Variants in PGBD5 observed in about 807,000 individuals in gnomAD.
PGBD5 encodes piggyBac transposable element derived 5, also known as piggyBac transposable element-derived protein 5.
A neutral mutation model predicts 47.9 loss-of-function variants in PGBD5; 14 were observed. The observed-to-expected ratio is 0.29, with a 90% CI of 0.19 to 0.46. PGBD5 has a LOEUF of 0.46. PGBD5 is among the 20% of genes least tolerant of loss of function. The pLI, the probability that PGBD5 is intolerant of heterozygous loss-of-function variation, is 1.00. For synonymous variants in PGBD5, 316 were observed against 306.3 expected (o/e 1.03, Z -0.33); for missense variants, 635 against 716.0 (o/e 0.89, Z 1.29).
chr1:230,402,881 T>A (rs181770895), intron 1 of PGBD5, among the ~76,000 whole-genome samples: 1 of 152,346 alleles, frequency 6.6e-6, no homozygotes, highest in Non-Finnish European at 1.5e-5. Context: ...GAGCAACTGC[T>A]TATATGACCA....
chr1:230,357,374 C>T lies in PGBD5; in HGVS notation c.332-53G>A, dbSNP rs1039519726. On this transcript the variant is annotated intron_variant, in intron 1 of 6. Transcript: ENST00000391860. The surrounding 1 kb of genome is among the most constrained non-coding windows in gnomAD (Gnocchi z 5.7). ...CCTTAGGACGGCCGCCACACCCTGACTCGACACGAGAACGGCTGCATTTCC... is the reference window on the plus strand; with the variant it reads ...CCTTAGGACGGCCGCCACACCCTGATTCGACACGAGAACGGCTGCATTTCC... 7.7e-6 allele frequency: 12 copies of T among 1,567,828 alleles called. No homozygotes were observed. The highest frequency in any genetic ancestry group is 1.7e-4 in the Middle Eastern group (1 of 5,882).
intron 5 of PGBD5, among the ~76,000 whole-genome samples, chr1:230,327,101 C>T (rs959987423): frequency 2.0e-5 from 3 of 152,114 alleles, no homozygotes; most frequent in Non-Finnish European, 4.4e-5. Context: ...GAGACGGACG[C>T]CTTCTTCCTA....
Position 230,359,687 on chromosome 1 carries a change from G to A in PGBD5, c.332-2366C>T, listed in dbSNP as rs553410330. ...TGCAGCGTGAAATAAATGAGATCAT[G>A]TGAATAATGCACCTCACCTGGTGCC... On this transcript the variant is annotated intron_variant, in intron 1 of 6. Coordinates refer to ENST00000391860, the MANE Select transcript of PGBD5 (RefSeq NM_001258311.2). Among the ~76,000 whole-genome samples the A allele has an allele frequency of 3.4e-4, 52 of 152,352 alleles. 1 individual carries two copies. In the South Asian group the frequency reaches 4.6e-3, roughly 13 times the overall value.
rs926139577 is a variant in PGBD5 at position 230,337,417 on chromosome 1, T to C, written c.895-129A>G. The C allele has an allele frequency of 3.3e-5, 31 of 944,144 alleles. No homozygotes were observed. The African/African-American group carries it at 4.7e-4, about 14-fold the overall frequency. The allele number at this position is 944,144 out of a possible 1,614,324, so 58.5% of individuals were successfully genotyped here. On this transcript the variant is annotated intron_variant, in intron 3 of 6. Transcript: ENST00000391860. ...GGAGCCCATGGAAAAGCCCCCATCA[T>C]CTTTTCAGCTCACAGGGACTCTAGG...
intron 1 of PGBD5, among the ~76,000 whole-genome samples, chr1:230,420,381 T>C (rs1402239244): frequency 6.6e-6 from 1 of 152,246 alleles, no homozygotes; most frequent in Non-Finnish European, 1.5e-5. Flanking sequence ...ATTCTGTATG[T>C]CAACTGTGGT....
chr1:230,362,617 C>T (rs573333579), intron 1 of PGBD5, among the ~76,000 whole-genome samples: 2 of 152,292 alleles, frequency 1.3e-5, no homozygotes, highest in African/African-American at 4.8e-5. Flanking sequence ...CCATCGGCCA[C>T]TCATGCTCGT....
chr1:230,386,843 G>A (rs750668155), intron 1 of PGBD5, among the ~76,000 whole-genome samples: 45 of 152,198 alleles, frequency 3.0e-4, no homozygotes, highest in Admixed American at 6.5e-5. Context: ...CCAGCACTGG[G>A]CTACGTTTCA....
intron 5 of PGBD5, among the ~76,000 whole-genome samples, chr1:230,328,062 G>A (rs1209699009): frequency 2.6e-5 from 4 of 152,196 alleles, no homozygotes; most frequent in Middle Eastern, 3.4e-3. Context: ...AGGATGCCCC[G>A]CTCTGAGTCA....
At chr1:230,327,748 A>T (rs758054829) in intron 5 of PGBD5, among the ~76,000 whole-genome samples, 15 of 152,222 alleles carry the variant, frequency 9.9e-5, no homozygotes, top group Non-Finnish European at 2.1e-4. Context: ...GCGGGCCTGC[A>T]GTGCCCAAGG....
At chr1:230,340,685 G>C (rs1447795417) in intron 3 of PGBD5, among the ~76,000 whole-genome samples, 1 of 152,032 alleles carries the variant, frequency 6.6e-6, no homozygotes, top group Non-Finnish European at 1.5e-5. Flanking sequence ...CTTTGGGTCT[G>C]AGTGAACGGT....
At chr1:230,355,483 G>C (rs1258375484) in intron 2 of PGBD5, among the ~76,000 whole-genome samples, 2 of 152,194 alleles carry the variant, frequency 1.3e-5, no homozygotes, top group African/African-American at 4.8e-5. Flanking sequence ...TTGCATCCAG[G>C]CAATCGTCTC....
intron 1 of PGBD5, among the ~76,000 whole-genome samples, chr1:230,404,568 C>T (rs1396048601): frequency 6.8e-6 from 1 of 146,240 alleles, no homozygotes; most frequent in East Asian, 2.0e-4. Flanking sequence ...TGCAACTGTG[C>T]TGCTGTACTC....
chr1:230,323,193 A>G lies in PGBD5; in HGVS notation c.*232T>C, dbSNP rs1667062974. 2.2e-5 allele frequency: 12 copies of G among 548,862 alleles called. 1 individual carries two copies. In the South Asian group the frequency reaches 2.9e-4, roughly 13 times the overall value. 34.0% of individuals were successfully genotyped at this position (548,862 alleles called of 1,614,324 possible). ...CTTGAGAACGTGGGTGTAAGTGCTC[A>G]TCACACCGGCGGCACTGTTTCTCGA... On this transcript the variant is annotated 3_prime_UTR_variant, in exon 7 of 7. Coordinates refer to ENST00000391860, the MANE Select transcript of PGBD5 (RefSeq NM_001258311.2). The surrounding 1 kb of genome is among the most constrained non-coding windows in gnomAD (Gnocchi z 4.1).
intron 1 of PGBD5, among the ~76,000 whole-genome samples, chr1:230,370,782 C>G (rs2820372): frequency 0.71 from 108,190 of 151,578 alleles, 39,012 homozygotes; most frequent in Non-Finnish European, 0.74. Context: ...CCTCAACGCA[C>G]ATGGCTAAGA....
intron 1 of PGBD5, among the ~76,000 whole-genome samples, chr1:230,378,893 AAGC>A (rs1434935986): frequency 6.6e-6 from 1 of 152,162 alleles, no homozygotes; most frequent in Non-Finnish European, 1.5e-5. Flanking sequence ...AACCCAAAGA[AAGC>A]AGCCATTGCC....
intron 1 of PGBD5, among the ~76,000 whole-genome samples, chr1:230,389,978 G>A (rs1234446375): frequency 1.3e-5 from 2 of 152,212 alleles, no homozygotes; most frequent in African/African-American, 4.8e-5. Context: ...CGGAGGCCAA[G>A]AAGATAAGTG....
At chr1:230,343,588 C>A (rs892515632) in intron 3 of PGBD5, among the ~76,000 whole-genome samples, 6 of 152,194 alleles carry the variant, frequency 3.9e-5, no homozygotes, top group African/African-American at 1.2e-4. Context: ...CGTGTCCAAC[C>A]TGGACAGGAT....
intron 2 of PGBD5, among the ~76,000 whole-genome samples, chr1:230,353,049 A>G (rs1667582814): frequency 6.6e-6 from 1 of 152,248 alleles, no homozygotes; most frequent in African/African-American, 2.4e-5. Flanking sequence ...CAAAAGGGCC[A>G]GCAAGAATTT....
At position 230,319,875 on chromosome 1, in the gene PGBD5, G is replaced by C. The variant is rs1403817332; in HGVS notation, c.*3550C>G. 2 of 142,532 alleles carry C rather than the reference G, an allele frequency of 1.4e-5. No homozygotes were observed. The highest frequency in any genetic ancestry group is 1.4e-4 in the Admixed American group (2 of 14,234). The allele number at this position is 142,532 out of a possible 1,614,324, so 8.8% of individuals were successfully genotyped here. A position where few individuals can be genotyped will look rare whatever the true frequency, so the allele number is the denominator to read the frequency against. ...TTTTTTTTTTTTTTTTTTTTGTGGC[G>C]GGGTGGGGGTTGGAGTCTCGCTCTG... On this transcript the variant is annotated 3_prime_UTR_variant, in exon 7 of 7. Transcript: ENST00000391860.
Sources: allele counts gnomAD v4.1 joint callset (sites outside exome capture counted in the v4.1 genomes callset), GRCh38; gene constraint gnomAD v4.1.1; non-coding constraint Gnocchi (gnomAD v3.1); transcripts MANE v1.5; gene names NCBI Gene and HGNC (gene_info 2026-07-23, HGNC 2026-07-21).